Variants in TLE3 observed in about 807,000 individuals in gnomAD.
TLE3 encodes transducin-like enhancer protein 3.
In TLE3, 14 loss-of-function variants were observed where a neutral mutation model predicts 93.0. The ratio of observed to expected loss-of-function variants is 0.15; its 90% CI spans 0.10 to 0.24. TLE3 has a LOEUF of 0.24. TLE3 is among the 10% of genes least tolerant of loss of function. The probability of loss-of-function intolerance (pLI) is 1.00; values close to 1 mark genes in which losing one functional copy is unlikely to be tolerated. For synonymous variants in TLE3, 451 were observed against 425.0 expected, an observed-to-expected ratio of 1.06 and a Z score of -0.75; for missense variants, 693 against 1,046.6, an observed-to-expected ratio of 0.66 and a Z score of 4.66.
intron 7 of TLE3, 51 bp from the exon 8 acceptor site, chr15:70,064,521 A>G (rs2056693427): frequency 6.2e-7 from 1 of 1,612,578 alleles, no homozygotes; most frequent in Non-Finnish European, 8.5e-7. Flanking sequence ...CCCCAAAACA[A>G]AAAGACAAAA....
At chr15:70,057,737 C>G (rs1318626086) in intron 12 of TLE3, 79 bp from the exon 13 acceptor site, 2 of 1,497,454 alleles carry the variant, frequency 1.3e-6, no homozygotes, top group Non-Finnish European at 1.8e-6. Flanking sequence ...AGCAATAACC[C>G]TCCCTGCATT....
rs768792642 is a variant in TLE3, at chr15:70,066,077, G to A, written c.514C>T (p.Leu172=). ...SSSGLLALGA[L]GSQAHLTVKD... ...ACCGTCAGATGGGCCTGGCTGCCCA[G>A]GGCGCCCAGTGCCAGCAGCCCGGAG... Residue 172 remains leucine, a synonymous_variant, in exon 7 of 20, where the codon CTG becomes TTG. Transcript: ENST00000451782. 1.9e-6 allele frequency: 3 copies of A among 1,599,488 alleles called. No homozygotes were observed. Among genetic ancestry groups the A allele is most frequent in the Non-Finnish European group, 2.6e-6 (3 of 1,172,516 alleles).
chr15:70,096,423 G>A lies in TLE3; in HGVS notation c.25-162C>T, dbSNP rs971610111. ...CTCTCCGACGGGGCGGAGGGGGGGC[G>A]CCCCATCTCTCCCCGTCGGCAGCGG... On this transcript the variant is annotated intron_variant, in intron 1 of 19. Coordinates refer to ENST00000451782, the MANE Select transcript of TLE3 (RefSeq NM_001105192.3). 4.6e-6 allele frequency: 6 copies of A among 1,297,756 alleles called. No individual in the cohort carries two copies. The African/African-American group carries it at 7.5e-5, about 16-fold the overall frequency. 80.4% of individuals were successfully genotyped at this position (1,297,756 alleles called of 1,614,324 possible).
chr15:70,072,347 G>A (rs919221409), intron 6 of TLE3, among the ~76,000 whole-genome samples: 2 of 152,196 alleles, frequency 1.3e-5, no homozygotes, highest in Admixed American at 6.5e-5. Context: ...GAGGGTGAGA[G>A]GGGACCCTGC....
chr15:70,089,487 C>A (rs1371020756), intron 4 of TLE3, among the ~76,000 whole-genome samples: 1 of 152,148 alleles, frequency 6.6e-6, no homozygotes, highest in Non-Finnish European at 1.5e-5. Context: ...GCCTGCAGAG[C>A]GGGCGGCCAG....
intron 19 of TLE3, 95 bp downstream of exon 19, chr15:70,051,296 T>G (rs1360092241): frequency 9.4e-6 from 12 of 1,281,104 alleles, no homozygotes; most frequent in Non-Finnish European, 1.3e-5. Context: ...TCCAGGCTCC[T>G]CCTGTTCTTC....
In TLE3 at chr15:70,057,516, G is replaced by T; in HGVS notation, c.1194C>A (p.Ala398=). The T allele has an allele frequency of 6.2e-7, 1 of 1,607,946 alleles. No individual in the cohort carries two copies. Among genetic ancestry groups the T allele is most frequent in the Non-Finnish European group, 8.5e-7 (1 of 1,177,514 alleles). The change falls in exon 13 of 20, where the codon GCC becomes GCA. Residue 398 remains alanine (A), a synonymous_variant. Transcript: ENST00000451782. ...GLHNIPPQMS[A]AAAAAAAAYG... ...AGGCAGCGGCTGCAGCAGCGGCGGC[G>T]GCGCTCATCTGGGGTGGGATGTTGT...
intron 4 of TLE3, among the ~76,000 whole-genome samples, chr15:70,093,269 T>C (rs545611505): frequency 2.3e-4 from 35 of 152,290 alleles, no homozygotes; most frequent in Admixed American, 2.2e-3. Context: ...CAGGCCCCTT[T>C]CTGGCTTCCC....
chr15:70,071,249 T>G (rs1018989417), intron 6 of TLE3, among the ~76,000 whole-genome samples: 2 of 152,154 alleles, frequency 1.3e-5, no homozygotes, highest in Non-Finnish European at 2.9e-5. Flanking sequence ...CCAAGAAGCA[T>G]GTAACAGAAA....
intron 19 of TLE3, chr15:70,051,155 C>A (rs2055498939): frequency 2.5e-6 from 1 of 394,098 alleles, no homozygotes; most frequent in Non-Finnish European, 4.6e-6. Flanking sequence ...GAAGCCCTTG[C>A]CCTCGGGGGT....
chr15:70,050,372 A>T lies in TLE3; in HGVS notation c.2203-168T>A. On this transcript the variant is annotated intron_variant, in intron 19 of 19. Transcript: ENST00000451782. ...CCTGGAGCACAGTGCGGTGAAGAGG[A>T]GGTGGGGGAGGCTTTAAAGCACCCA... 3 of 494,422 alleles carry T rather than the reference A, an allele frequency of 6.1e-6. No individual in the cohort carries two copies. The East Asian group carries it at 9.3e-5, about 15-fold the overall frequency. The allele number at this position is 494,422 out of a possible 1,614,324, so 30.6% of individuals were successfully genotyped here.
rs371847423 is a variant in TLE3, at chr15:70,049,411, C to T, written c.*686G>A. 2.0e-5 allele frequency: 3 copies of T among 151,956 alleles called. No individual in the cohort carries two copies. Among genetic ancestry groups the T allele is most frequent in the Non-Finnish European group, 2.9e-5 (2 of 68,016 alleles). The allele number at this position is 151,956 out of a possible 1,614,324, so 9.4% of individuals were successfully genotyped here. A position where few individuals can be genotyped will look rare whatever the true frequency, so the allele number is the denominator to read the frequency against. On this transcript the variant is annotated 3_prime_UTR_variant, in exon 20 of 20. Coordinates refer to ENST00000451782, the MANE Select transcript of TLE3 (RefSeq NM_001105192.3). ...CACACGCATTCCAGCAGGCACCTTA[C>T]GGCCAACCTGGTTGCCTTTTCCACA...
In TLE3 at chr15:70,096,815, G is replaced by A; in HGVS notation, c.-17C>T. 6.2e-7 allele frequency: 1 copy of A among 1,608,412 alleles called. No individual in the cohort carries two copies. The highest frequency in any genetic ancestry group is 8.5e-7 in the Non-Finnish European group (1 of 1,177,504). Reference sequence around the variant, plus strand: ...CGGATACATGGCAGGGAGGGGTCGTGATTCCGAGAGCGTGGAAGCGCCGAG... The same window carrying A: ...CGGATACATGGCAGGGAGGGGTCGTAATTCCGAGAGCGTGGAAGCGCCGAG... On this transcript the variant is annotated 5_prime_UTR_variant, in exon 1 of 20. Transcript: ENST00000451782.
At chr15:70,096,723 C>T (rs543660928) in intron 1 of TLE3, 52 bp downstream of exon 1, 11 of 1,606,152 alleles carry the variant, frequency 6.8e-6, no homozygotes, top group South Asian at 3.4e-5. Flanking sequence ...TAAACTGCCT[C>T]GTTTACCCTG....
At chr15:70,063,829 C>A (rs1018291144) in intron 8 of TLE3, among the ~76,000 whole-genome samples, 2 of 152,200 alleles carry the variant, frequency 1.3e-5, no homozygotes, top group African/African-American at 4.8e-5. Flanking sequence ...CCTTAATGCT[C>A]GCCTGCTAGC....
chr15:70,056,539 G>A (rs1407145029), intron 13 of TLE3, among the ~76,000 whole-genome samples, 165 bp from the exon 14 acceptor site: 1 of 152,128 alleles, frequency 6.6e-6, no homozygotes, highest in African/African-American at 2.4e-5. Context: ...GGAGACACAG[G>A]CCCAGGACAG....
chr15:70,066,552 T>G, intron 6 of TLE3: 8 of 240,210 alleles, frequency 3.3e-5, no homozygotes, highest in East Asian at 1.8e-4. Flanking sequence ...AGTCATGGGG[T>G]TCCCTCTGAG....
intron 16 of TLE3, 139 bp from the exon 17 acceptor site, chr15:70,053,513 T>C (rs2141405522): frequency 2.1e-6 from 2 of 966,076 alleles, no homozygotes; most frequent in Non-Finnish European, 2.9e-6. Context: ...CTTAGCGAGC[T>C]TGCAGCAAAG....
intron 12 of TLE3, 112 bp from the exon 13 acceptor site, chr15:70,057,770 GTC>G: frequency 2.2e-6 from 3 of 1,363,834 alleles, no homozygotes; most frequent in Non-Finnish European, 3.0e-6. Context: ...GCTCCAGGCA[GTC>G]CTCTCAGACT....
Sources: allele counts gnomAD v4.1 joint callset (sites outside exome capture counted in the v4.1 genomes callset), GRCh38; gene constraint gnomAD v4.1.1; transcripts MANE v1.5; gene names NCBI Gene and HGNC (gene_info 2026-07-23, HGNC 2026-07-21).